PREP: variants seen among roughly 807,000 people sequenced by gnomAD.
The protein encoded by PREP is dJ355L5.1 (prolyl endopeptidase).
A neutral mutation model predicts 87.6 loss-of-function variants in PREP; 29 were observed. The ratio of observed to expected loss-of-function variants is 0.33; its 90% CI spans 0.25 to 0.45. The LOEUF is 0.45. PREP is among the 20% of genes least tolerant of loss of function. PREP has a pLI of 1.00. For synonymous variants in PREP, 337 were observed against 328.6 expected (o/e 1.03, Z -0.28); for missense variants, 695 against 886.5 (o/e 0.78, Z 2.74).
chr6:105,330,516 G>C (rs766223473), intron 8 of PREP, among the ~76,000 whole-genome samples: 6 of 152,144 alleles, frequency 3.9e-5, no homozygotes, highest in Admixed American at 1.3e-4. Flanking sequence ...GAGAGGTGAT[G>C]AGGAAAGGAG....
intron 6 of PREP, among the ~76,000 whole-genome samples, chr6:105,366,360 C>T (rs1391851940): frequency 6.6e-6 from 1 of 152,204 alleles, no homozygotes; most frequent in Non-Finnish European, 1.5e-5. Context: ...TAAGAAGATA[C>T]AGGCTGTGAC....
intron 10 of PREP, among the ~76,000 whole-genome samples, chr6:105,319,959 T>C (rs576854652): frequency 4.3e-4 from 66 of 152,242 alleles, no homozygotes; most frequent in Non-Finnish European, 8.2e-4. Flanking sequence ...TTGCATATCA[T>C]ACTATGAATA....
intron 10 of PREP, among the ~76,000 whole-genome samples, chr6:105,319,662 G>A (rs1443991618): frequency 6.6e-6 from 1 of 152,148 alleles, no homozygotes; most frequent in African/African-American, 2.4e-5. Context: ...TGAACAAAGG[G>A]CAGTGGTAAA....
rs996590381 is a variant in PREP at position 105,274,437 on chromosome 6, C to T, written c.*3707G>A. Among the ~76,000 whole-genome samples the T allele has an allele frequency of 1.3e-5, 2 of 152,244 alleles. No individual in the cohort carries two copies. The highest frequency in any genetic ancestry group is 3.4e-3 in the Middle Eastern group (1 of 294). Reference sequence around the variant, plus strand: ...ATTTACGATTTCAACATATACATTTCGGGGAGGACATAAACACTCAGACAA... The same window carrying T: ...ATTTACGATTTCAACATATACATTTTGGGGAGGACATAAACACTCAGACAA... On this transcript the variant is annotated 3_prime_UTR_variant, in exon 15 of 15. Coordinates refer to ENST00000652536, the MANE Select transcript of PREP (RefSeq NM_002726.5).
intron 6 of PREP, among the ~76,000 whole-genome samples, chr6:105,365,053 C>T (rs1255814456): frequency 2.6e-5 from 4 of 152,116 alleles, no homozygotes; most frequent in Non-Finnish European, 5.9e-5. Flanking sequence ...TTGAGACCAC[C>T]CTGGCCAACA....
Position 105,357,012 on chromosome 6 carries a change from T to C in PREP, c.718-3935A>G, listed in dbSNP as rs142382608. 9.2e-5 allele frequency among the ~76,000 whole-genome samples: 14 copies of C among 152,332 alleles called. No homozygotes were observed. In the East Asian group the frequency reaches 2.7e-3, roughly 29 times the overall value. On this transcript the variant is annotated intron_variant, in intron 6 of 14. Transcript: ENST00000652536. ...TGCTTTCCCCGGTGTCTTTCCTCTT[T>C]GTATTATATTTTTCCTTCTTTGATT...
intron 10 of PREP, among the ~76,000 whole-genome samples, chr6:105,303,744 A>C (rs1195385004): frequency 2.0e-5 from 3 of 152,240 alleles, no homozygotes; most frequent in Non-Finnish European, 4.4e-5. Flanking sequence ...TAAAATAACC[A>C]AAACCAAAAG....
At chr6:105,280,724 C>T (rs188079998) in intron 14 of PREP, 6 of 152,250 alleles carry the variant, frequency 3.9e-5, no homozygotes, top group Admixed American at 2.0e-4. Flanking sequence ...GCATGCATCA[C>T]CATGCCCAGC....
intron 10 of PREP, among the ~76,000 whole-genome samples, chr6:105,294,839 A>C (rs1770374574): frequency 6.6e-6 from 1 of 152,146 alleles, no homozygotes; most frequent in Non-Finnish European, 1.5e-5. Context: ...TTTTTTAAAA[A>C]ACTCTTATGA....
chr6:105,351,774 C>T (rs1015353067), intron 7 of PREP, among the ~76,000 whole-genome samples: 3 of 152,150 alleles, frequency 2.0e-5, no homozygotes, highest in South Asian at 2.1e-4. Flanking sequence ...GCAAACAATT[C>T]CTGGATGGTG....
chr6:105,372,446 T>A (rs917203705), intron 5 of PREP, among the ~76,000 whole-genome samples: 1 of 152,074 alleles, frequency 6.6e-6, no homozygotes, highest in African/African-American at 2.4e-5. Flanking sequence ...ACATACCACG[T>A]TGAAATGTGG....
At chr6:105,349,326 C>G (rs887650213) in intron 7 of PREP, among the ~76,000 whole-genome samples, 1 of 152,186 alleles carries the variant, frequency 6.6e-6, no homozygotes, top group African/African-American at 2.4e-5. Flanking sequence ...AGCAAAAGAA[C>G]AGAAGTCCAC....
rs199929615 is a variant in PREP at position 105,277,161 on chromosome 6, C to CT, written c.*982dup. 0.1 allele frequency among the ~76,000 whole-genome samples: 14,056 copies of CT among 134,150 alleles called. 715 individuals carry two copies. Among genetic ancestry groups the CT allele is most frequent in the Admixed American group, 0.14 (1,911 of 13,698 alleles). 88.0% of individuals were successfully genotyped at this position (134,150 alleles called of 152,430 possible). On this transcript the variant is annotated 3_prime_UTR_variant, in exon 15 of 15. Transcript: ENST00000652536. The stretch of plus-strand genomic sequence containing the variant: ...AATCTTGGGGGTGGGCAAACCAAAA[C>CT]TTTTTTTTTTTTTTTTCCAGTAAGT...
intron 7 of PREP, among the ~76,000 whole-genome samples, chr6:105,334,441 G>A (rs1225461352): frequency 6.6e-6 from 1 of 152,066 alleles, no homozygotes; most frequent in Non-Finnish European, 1.5e-5. Context: ...TCTCTCGGCT[G>A]GGCGCAATGG....
chr6:105,303,364 C>CTTTTTGCTG (rs558508014), intron 10 of PREP, among the ~76,000 whole-genome samples: 21 of 152,250 alleles, frequency 1.4e-4, no homozygotes, highest in Non-Finnish European at 2.9e-4. Flanking sequence ...CCAAAGTCCA[C>CTTTTTGCTG]GTTTTAGACC....
chr6:105,275,548 T>TAAG lies in PREP; in HGVS notation c.*2593_*2595dup, dbSNP rs1213273631. Among the ~76,000 whole-genome samples, 1 of 152,132 alleles carries TAAG rather than the reference T, an allele frequency of 6.6e-6. No individual in the cohort carries two copies. The highest frequency in any genetic ancestry group is 1.5e-5 in the Non-Finnish European group (1 of 68,020). On this transcript the variant is annotated 3_prime_UTR_variant, in exon 15 of 15. Coordinates refer to ENST00000652536, the MANE Select transcript of PREP (RefSeq NM_002726.5). ...AACAGTCCTAAAAAAACTAAACATA[T>TAAG]AAGTCCTCTGTGATCGAGCAATTCC...
rs143277844 is a variant in PREP, at chr6:105,328,884, G to A, written c.1158C>T (p.Ser386=). ...AGATTTCAGTGTCCTTCTTCTGACC[G>A]CTGTACCCTACAATGCTGCCGACAT... ...PLDVGSIVGY[S]GQKKDTEIFY... is the part of the protein sequence containing the mutation. Residue 386 remains serine (S), a synonymous_variant, in exon 9 of 15, where the codon AGC becomes AGT. Transcript: ENST00000652536. 70 of 1,614,088 alleles carry A rather than the reference G, an allele frequency of 4.3e-5. No individual in the cohort carries two copies. In the African/African-American group the frequency reaches 7.2e-4, roughly 17 times the overall value.
At chr6:105,293,719 C>T (rs1401592445) in intron 10 of PREP, among the ~76,000 whole-genome samples, 1 of 152,136 alleles carries the variant, frequency 6.6e-6, no homozygotes, top group African/African-American at 2.4e-5. Context: ...CACGTGCACA[C>T]ACTCAGCAGT....
chr6:105,382,314 A>ACAC (rs1562224795), intron 2 of PREP, among the ~76,000 whole-genome samples: 2 of 123,934 alleles, frequency 1.6e-5, no homozygotes, highest in African/African-American at 3.0e-5. Flanking sequence ...CACACACACA[A>ACAC]AGTATGTGAG....
Sources: gnomAD v4.1 joint callset for allele counts (sites outside exome capture counted in the v4.1 genomes callset) on GRCh38, gnomAD v4.1.1 for gene constraint, MANE v1.5 for transcripts, NCBI Gene and HGNC (gene_info 2026-07-23, HGNC 2026-07-21) for gene names.